The following DHRSX variants were observed in gnomAD, a reference collection of about 807,000 sequenced individuals.
DHRSX encodes polyprenol dehydrogenase.
A neutral mutation model predicts 34.0 loss-of-function variants in DHRSX; 31 were observed. That is an observed-to-expected ratio of 0.91 (90% CI 0.69 to 1.23). The LOEUF (loss-of-function observed/expected upper bound fraction) is 1.23, where lower values mean the gene tolerates loss of function less well. Ranked by LOEUF, DHRSX falls within the 50% of genes most tolerant of loss-of-function variation. The pLI is 0.00. For synonymous variants in DHRSX, 201 were observed against 183.8 expected, an observed-to-expected ratio of 1.09 and a Z score of -0.76; for missense variants, 414 against 428.1, an observed-to-expected ratio of 0.97 and a Z score of 0.29.
In DHRSX at chrX:2,392,003, TG is replaced by T. The variant is rs755334346; in HGVS notation, c.286+16741del. Among the ~76,000 whole-genome samples the T allele has an allele frequency of 2.0e-5, 3 of 152,188 alleles. No individual in the cohort carries two copies. In the South Asian group the frequency reaches 6.2e-4, roughly 32 times the overall value. ...TTGCTACACAGTCCAAGGCGATCCA[TG>T]GGGATGAGTCAGCAATTATGCATCC... On this transcript the variant is annotated intron_variant, in intron 3 of 6. Transcript: ENST00000334651.
chrX:2,500,661 C>CCCA (rs2045402299), intron 1 of DHRSX, 156 bp downstream of exon 1: 1 of 147,112 alleles, frequency 6.8e-6, no homozygotes, highest in Non-Finnish European at 1.5e-5. Context: ...GCCGCCCCCC[C>CCCA]CCCACCCCCG....
At chrX:2,451,947 AT>A (rs1419417680) in intron 1 of DHRSX, among the ~76,000 whole-genome samples, 2 of 151,404 alleles carry the variant, frequency 1.3e-5, no homozygotes, top group Non-Finnish European at 2.9e-5. Flanking sequence ...CCATGTACAC[AT>A]TGAAGACATT....
At chrX:2,396,804 G>A (rs2043418027) in intron 3 of DHRSX, among the ~76,000 whole-genome samples, 1 of 129,788 alleles carries the variant, frequency 7.7e-6, no homozygotes, top group Non-Finnish European at 1.6e-5. Flanking sequence ...CACTCTTGTT[G>A]CCCAGGCCGG....
chrX:2,382,926 A>G (rs949706868), intron 3 of DHRSX, among the ~76,000 whole-genome samples: 3 of 151,204 alleles, frequency 2.0e-5, no homozygotes, highest in African/African-American at 7.3e-5. Flanking sequence ...CAGCAGCAGC[A>G]TGACCATCAT....
chrX:2,257,815 C>T (rs1268470772), intron 5 of DHRSX, among the ~76,000 whole-genome samples: 23 of 151,920 alleles, frequency 1.5e-4, no homozygotes, highest in African/African-American at 2.9e-4. Flanking sequence ...TAAGTAGAGA[C>T]GGGGTTTCAC....
chrX:2,271,984 T>G (rs913680896), intron 4 of DHRSX, among the ~76,000 whole-genome samples: 21 of 151,268 alleles, frequency 1.4e-4, no homozygotes, highest in African/African-American at 4.4e-4. Context: ...GAGGTTGCAG[T>G]GAGCCGAGAT....
Position 2,307,593 on chromosome X carries a change from G to A in DHRSX, c.287-15990C>T, listed in dbSNP as rs754348458. The stretch of plus-strand genomic sequence containing the variant: ...ATCCTGGCTAACATGGTGAAACCCT[G>A]TCTCTACTAAAACTACAAAAAATTA... On this transcript the variant is annotated intron_variant, in intron 3 of 6. Transcript: ENST00000334651. Among the ~76,000 whole-genome samples, 527 of 151,884 alleles carry A rather than the reference G, an allele frequency of 3.5e-3. 4 individuals are homozygous for A. The highest frequency in any genetic ancestry group is 0.012 in the African/African-American group (491 of 41,478).
At chrX:2,230,815 G>A (rs1466759183) in intron 6 of DHRSX, among the ~76,000 whole-genome samples, 3 of 152,130 alleles carry the variant, frequency 2.0e-5, no homozygotes, top group African/African-American at 7.2e-5. Context: ...CTGCCAGCCA[G>A]CCTACCAATT....
chrX:2,291,710 T>C (rs772983593), intron 3 of DHRSX, 107 bp from the exon 4 acceptor site: 2 of 563,318 alleles, frequency 3.6e-6, no homozygotes, highest in Non-Finnish European at 5.9e-6. Context: ...GAAGTAACAC[T>C]TTTTTTTTTT....
chrX:2,346,400 G>C (rs1221511878), intron 3 of DHRSX, among the ~76,000 whole-genome samples: 1 of 152,040 alleles, frequency 6.6e-6, no homozygotes, highest in Non-Finnish European at 1.5e-5. Flanking sequence ...GTCCAGGCTG[G>C]CACCATTTCT....
At position 2,425,260 on chromosome X, in the gene DHRSX, T is replaced by C; in HGVS notation, c.154A>G (p.Thr52Ala). Residue 52 changes from threonine to alanine, a missense_variant, in exon 2 of 7, where the codon ACA (threonine) becomes GCA (alanine). Coordinates refer to ENST00000334651, the MANE Select transcript of DHRSX (RefSeq NM_145177.3). ...PDRVAIVTGG[T>A]DGIGYSTAKH... is the part of the protein sequence containing the mutation. Reference sequence around the variant, plus strand: ...GCTGTAGAATAGCCAATGCCATCTGTCCCTCCCGTCACTATAGCGACACGG... The same window carrying C: ...GCTGTAGAATAGCCAATGCCATCTGCCCCTCCCGTCACTATAGCGACACGG... The C allele has an allele frequency of 3.7e-6, 6 of 1,613,816 alleles. No individual in the cohort carries two copies. Among genetic ancestry groups the C allele is most frequent in the Non-Finnish European group, 5.1e-6 (6 of 1,179,846 alleles).
At chrX:2,230,074 T>C (rs1273600084) in intron 6 of DHRSX, among the ~76,000 whole-genome samples, 3 of 152,172 alleles carry the variant, frequency 2.0e-5, no homozygotes, top group Non-Finnish European at 4.4e-5. Flanking sequence ...GGTTTGCACG[T>C]GTATATGTGC....
intron 5 of DHRSX, among the ~76,000 whole-genome samples, chrX:2,258,667 TG>T (rs2041313357): frequency 6.6e-6 from 1 of 152,126 alleles, no homozygotes; most frequent in Non-Finnish European, 1.5e-5. Flanking sequence ...ACTAGGTCCG[TG>T]GTATTTTATT....
intron 3 of DHRSX, among the ~76,000 whole-genome samples, chrX:2,394,132 C>T (rs904875653): frequency 1.3e-5 from 2 of 152,212 alleles, no homozygotes; most frequent in African/African-American, 4.8e-5. Context: ...TGTGTCCGGG[C>T]TCACTGTCCT....
intron 3 of DHRSX, among the ~76,000 whole-genome samples, chrX:2,329,139 C>T (rs2042426265): frequency 6.6e-6 from 1 of 152,088 alleles, no homozygotes; most frequent in Non-Finnish European, 1.5e-5. Flanking sequence ...ATTTATGAAA[C>T]CTCATGTTGA....
At chrX:2,386,302 T>A (rs1271527374) in intron 3 of DHRSX, among the ~76,000 whole-genome samples, 7 of 152,172 alleles carry the variant, frequency 4.6e-5, no homozygotes, top group African/African-American at 1.7e-4. Flanking sequence ...CACTACAACC[T>A]CCACCTCCCA....
chrX:2,351,776 G>A (rs2042791426), intron 3 of DHRSX, among the ~76,000 whole-genome samples: 1 of 152,314 alleles, frequency 6.6e-6, no homozygotes, highest in East Asian at 1.9e-4. Context: ...CTGGAGTGCA[G>A]TGGCGCAATC....
At chrX:2,425,161 A>T in intron 2 of DHRSX, 36 bp downstream of exon 2, 1 of 1,549,672 alleles carries the variant, frequency 6.5e-7, no homozygotes, top group Non-Finnish European at 8.8e-7. Context: ...AAAAACCGAA[A>T]AAACAAAAAA....
Position 2,224,759 on chromosome X carries a change from C to T in DHRSX, c.805-3530G>A, listed in dbSNP as rs758803671. On this transcript the variant is annotated intron_variant, in intron 6 of 6. Coordinates refer to ENST00000334651, the MANE Select transcript of DHRSX (RefSeq NM_145177.3). ...ACACACACATGCACACTTACTTGCA[C>T]ATGCATACTCACACTCATTCACATG... Among the ~76,000 whole-genome samples, 10 of 152,220 alleles carry T rather than the reference C, an allele frequency of 6.6e-5. No homozygotes were observed. The South Asian group carries it at 1.2e-3, about 19-fold the overall frequency.
Sources: allele counts gnomAD v4.1 joint callset (sites outside exome capture counted in the v4.1 genomes callset), GRCh38; gene constraint gnomAD v4.1.1; transcripts MANE v1.5; gene names NCBI Gene and HGNC (gene_info 2026-07-23, HGNC 2026-07-21).